Variants in RASGRF2 observed in about 807,000 individuals in gnomAD.
RASGRF2 encodes the protein Ras protein specific guanine nucleotide releasing factor 2, also known as ras-specific guanine nucleotide-releasing factor 2.
A neutral mutation model predicts 151.0 loss-of-function variants in RASGRF2; 76 were observed. The observed-to-expected ratio is 0.50, with a 90% CI of 0.42 to 0.61. RASGRF2 has a LOEUF of 0.61. RASGRF2 is among the 20% of genes least tolerant of loss of function. The pLI is 0.00. For synonymous variants in RASGRF2, 504 were observed against 566.5 expected (o/e 0.89, Z 1.57); for missense variants, 1,148 against 1,564.6 (o/e 0.73, Z 4.49).
At chr5:81,077,981 A>G (rs1751985819) in intron 5 of RASGRF2, among the ~76,000 whole-genome samples, 1 of 152,238 alleles carries the variant, frequency 6.6e-6, no homozygotes, top group Admixed American at 6.5e-5. Context: ...AGGTAAAGCT[A>G]TAAGCTCTTC....
chr5:81,093,461 G>A (rs1233615928), intron 10 of RASGRF2, among the ~76,000 whole-genome samples: 1 of 152,084 alleles, frequency 6.6e-6, no homozygotes, highest in Non-Finnish European at 1.5e-5. Flanking sequence ...GCCCAGGCTG[G>A]AGTACAGCAG....
chr5:81,088,391 T>C (rs1245568679), intron 9 of RASGRF2: 2 of 152,314 alleles, frequency 1.3e-5, no homozygotes, highest in Non-Finnish European at 2.9e-5. Flanking sequence ...CAAGGCACTT[T>C]ACTCCTGGTG....
chr5:81,074,780 C>T (rs534356402), intron 5 of RASGRF2, among the ~76,000 whole-genome samples: 2 of 152,178 alleles, frequency 1.3e-5, no homozygotes, highest in South Asian at 2.1e-4. Flanking sequence ...CGGTGACATT[C>T]GAGCAAAGGC....
At chr5:81,083,405 G>C (rs535461594) in intron 7 of RASGRF2, among the ~76,000 whole-genome samples, 2 of 152,046 alleles carry the variant, frequency 1.3e-5, no homozygotes, top group Non-Finnish European at 2.9e-5. Flanking sequence ...GAGAGGAGGA[G>C]AGGCAATTGG....
At chr5:81,060,248 A>AG (rs142038764) in intron 2 of RASGRF2, among the ~76,000 whole-genome samples, 3,684 of 152,198 alleles carry the variant, frequency 0.024, 69 homozygotes, top group Middle Eastern at 0.12. Context: ...AAACCATACC[A>AG]TTCCCCTTGA....
chr5:81,061,273 C>A (rs1240282194), intron 2 of RASGRF2, among the ~76,000 whole-genome samples: 1 of 151,678 alleles, frequency 6.6e-6, no homozygotes, highest in East Asian at 1.9e-4. Flanking sequence ...TCTCGTTGTG[C>A]AAGTGTCAGA....
At chr5:81,134,588 C>T (rs995981507) in intron 17 of RASGRF2, among the ~76,000 whole-genome samples, 1 of 152,198 alleles carries the variant, frequency 6.6e-6, no homozygotes, top group Admixed American at 6.5e-5. Flanking sequence ...GGCACAGCAT[C>T]TGTCTTTTAC....
chr5:81,068,256 C>A, intron 3 of RASGRF2, 77 bp downstream of exon 3: 1 of 1,498,210 alleles, frequency 6.7e-7, no homozygotes. Context: ...AAGGCCTATT[C>A]AGGGCAACAT....
At position 81,227,924 on chromosome 5, in the gene RASGRF2, T is replaced by C. The variant is rs1474006936; in HGVS notation, c.*2154T>C. 1 of 152,188 alleles carries C rather than the reference T, an allele frequency of 6.6e-6. No homozygotes were observed. Among genetic ancestry groups the C allele is most frequent in the East Asian group, 1.9e-4 (1 of 5,204 alleles). 9.4% of individuals were successfully genotyped at this position (152,188 alleles called of 1,614,324 possible). A position where few individuals can be genotyped will look rare whatever the true frequency, so the allele number is the denominator to read the frequency against. On this transcript the variant is annotated 3_prime_UTR_variant, in exon 27 of 27. Transcript: ENST00000265080. ...TCCAGAGACACTGCAGCCATTCTTA[T>C]TAACAAAAAATAAGACAGGAGTTTC... is the stretch of plus-strand genomic sequence containing the variant.
chr5:81,050,073 C>A (rs1010147230), intron 2 of RASGRF2, among the ~76,000 whole-genome samples: 1 of 152,194 alleles, frequency 6.6e-6, no homozygotes, highest in Non-Finnish European at 1.5e-5. Context: ...CATCCCCTGA[C>A]CCCAGCCTAA....
intron 1 of RASGRF2, 151 bp downstream of exon 1, chr5:80,961,177 C>A (rs572883665): frequency 3.4e-6 from 3 of 883,962 alleles, no homozygotes; most frequent in Non-Finnish European, 1.6e-6. Flanking sequence ...GACATCTCCA[C>A]GCTCCTTCCG....
intron 19 of RASGRF2, among the ~76,000 whole-genome samples, chr5:81,202,301 C>G (rs115955169): frequency 6.6e-6 from 1 of 152,298 alleles, no homozygotes; most frequent in African/African-American, 2.4e-5. Context: ...TTCTAGTTCC[C>G]TCTTCATTTA....
intron 17 of RASGRF2, among the ~76,000 whole-genome samples, chr5:81,145,583 A>G (rs996973179): frequency 3.9e-5 from 6 of 152,184 alleles, no homozygotes; most frequent in African/African-American, 4.8e-5. Context: ...ATCTTGGTCA[A>G]TCTCTCTCTT....
intron 1 of RASGRF2, among the ~76,000 whole-genome samples, chr5:80,966,217 T>G (rs936794302): frequency 6.6e-6 from 1 of 152,076 alleles, no homozygotes; most frequent in Non-Finnish European, 1.5e-5. Context: ...GATTTTGATT[T>G]GTACATTAAC....
intron 17 of RASGRF2, among the ~76,000 whole-genome samples, chr5:81,146,354 T>C (rs1457811515): frequency 6.6e-6 from 1 of 152,144 alleles, no homozygotes; most frequent in Non-Finnish European, 1.5e-5. Flanking sequence ...AAGATGAAAT[T>C]GAAGCTGGCC....
intron 1 of RASGRF2, among the ~76,000 whole-genome samples, chr5:80,992,721 C>T (rs1748694659): frequency 6.6e-6 from 1 of 151,990 alleles, no homozygotes; most frequent in Non-Finnish European, 1.5e-5. Context: ...TGAATTTATC[C>T]CTGCCTCATT....
At chr5:80,996,348 A>G (rs1748860655) in intron 1 of RASGRF2, among the ~76,000 whole-genome samples, 1 of 151,810 alleles carries the variant, frequency 6.6e-6, no homozygotes, top group African/African-American at 2.4e-5. Context: ...TATACGACTC[A>G]CTTTTGTTTC....
At chr5:80,968,162 A>G (rs556134897) in intron 1 of RASGRF2, among the ~76,000 whole-genome samples, 1 of 152,332 alleles carries the variant, frequency 6.6e-6, no homozygotes, top group South Asian at 2.1e-4. Flanking sequence ...TAGCATTTTT[A>G]TTACTCTCTT....
chr5:80,995,693 CTT>C lies in RASGRF2; in HGVS notation c.288+34683_288+34684del, dbSNP rs1554083685. Among the ~76,000 whole-genome samples, 151 of 97,236 alleles carry C rather than the reference CTT, an allele frequency of 1.6e-3. 4 individuals carry two copies. The highest frequency in any genetic ancestry group is 4.6e-3 in the African/African-American group (121 of 26,044). The allele number at this position is 97,236 out of a possible 152,430, so 63.8% of individuals were successfully genotyped here. A position where few individuals can be genotyped will look rare whatever the true frequency, so the allele number is the denominator to read the frequency against. On this transcript the variant is annotated intron_variant, in intron 1 of 26. Transcript: ENST00000265080. ...GTTTCTTTCCTTTCCTTCCCCCCCC[CTT>C]TTTTTTTTTTTTTTTGAGATGGAGT...
Sources: gnomAD v4.1 joint callset for allele counts (sites outside exome capture counted in the v4.1 genomes callset) on GRCh38, gnomAD v4.1.1 for gene constraint, MANE v1.5 for transcripts, NCBI Gene and HGNC (gene_info 2026-07-23, HGNC 2026-07-21) for gene names.